Variants in TVP23B observed in about 807,000 individuals in gnomAD.
TVP23B encodes the protein Golgi apparatus membrane protein TVP23 homolog B.
TVP23B carries 10 observed loss-of-function variants against 30.6 expected under a neutral mutation model. The ratio of observed to expected loss-of-function variants is 0.33; its 90% CI spans 0.20 to 0.55. TVP23B has a LOEUF of 0.55. TVP23B is among the 20% of genes least tolerant of loss of function. The probability of loss-of-function intolerance (pLI) is 0.91; values close to 1 mark genes in which losing one functional copy is unlikely to be tolerated. For synonymous variants in TVP23B, 67 were observed against 83.1 expected (o/e 0.81, Z 1.06); for missense variants, 153 against 243.2 (o/e 0.63, Z 2.47).
Position 18,805,987 on chromosome 17 carries a change from T to G in TVP23B, c.*420T>G. 1 of 971,166 alleles carries G rather than the reference T, an allele frequency of 1.0e-6. No homozygotes were observed. The highest frequency in any genetic ancestry group is 1.2e-6 in the Non-Finnish European group (1 of 815,800). 60.2% of individuals were successfully genotyped at this position (971,166 alleles called of 1,614,324 possible). The stretch of plus-strand genomic sequence containing the variant: ...TTACATATTATTTCTGTAGATTGTT[T>G]TCAGGAGAAAGTTTTGCTTCTATGG... On this transcript the variant is annotated 3_prime_UTR_variant, in exon 7 of 7. Coordinates refer to ENST00000307767, the MANE Select transcript of TVP23B (RefSeq NM_016078.6).
chr17:18,782,085 C>T (rs1180800806), intron 1 of TVP23B: 1 of 152,128 alleles, frequency 6.6e-6, no homozygotes, highest in African/African-American at 2.4e-5. Context: ...TAACAAGTGT[C>T]TGAGGATAGG....
At chr17:18,800,942 GAC>G (rs1444345653) in intron 5 of TVP23B, among the ~76,000 whole-genome samples, 1 of 152,162 alleles carries the variant, frequency 6.6e-6, no homozygotes, top group African/African-American at 2.4e-5. Context: ...GCTGTCTGGA[GAC>G]ACAGGGGGAT....
At chr17:18,791,659 C>G (rs2035996428) in intron 3 of TVP23B, among the ~76,000 whole-genome samples, 1 of 151,616 alleles carries the variant, frequency 6.6e-6, no homozygotes, top group Non-Finnish European at 1.5e-5. Flanking sequence ...ACAGGACGGC[C>G]CCTCTGCAAC....
chr17:18,786,993 A>G (rs1348225060), intron 1 of TVP23B, among the ~76,000 whole-genome samples: 1 of 148,748 alleles, frequency 6.7e-6, no homozygotes, highest in African/African-American at 2.5e-5. Flanking sequence ...AGCCCTGATC[A>G]CAGTCAGCTG....
At chr17:18,805,149 CGCGA>C (rs1210676506) in intron 6 of TVP23B, among the ~76,000 whole-genome samples, 28 of 139,228 alleles carry the variant, frequency 2.0e-4, no homozygotes, top group African/African-American at 7.0e-4. Flanking sequence ...AGTGCAGTGG[CGCGA>C]TCTCGGCTTA....
At chr17:18,797,409 T>G in intron 3 of TVP23B, 170 bp from the exon 4 acceptor site, 1 of 1,404,286 alleles carries the variant, frequency 7.1e-7, no homozygotes, top group African/African-American at 1.4e-5. Flanking sequence ...CCATTACCAT[T>G]TTACTTAATC....
At chr17:18,783,873 G>A (rs2035853783) in intron 1 of TVP23B, among the ~76,000 whole-genome samples, 3 of 152,188 alleles carry the variant, frequency 2.0e-5, no homozygotes, top group Admixed American at 6.5e-5. Context: ...TTGGCCGGGC[G>A]CGGTGGCTCA....
intron 1 of TVP23B, among the ~76,000 whole-genome samples, chr17:18,784,578 G>A (rs1183238980): frequency 1.3e-5 from 2 of 152,134 alleles, no homozygotes; most frequent in East Asian, 3.9e-4. Context: ...TTGAACCCGG[G>A]AGGTGGAGGT....
Position 18,789,339 on chromosome 17 carries a change from A to G in TVP23B, c.13-14A>G. On this transcript the variant is annotated splice_polypyrimidine_tract_variant and intron_variant, in intron 1 of 6. Coordinates refer to ENST00000307767, the MANE Select transcript of TVP23B (RefSeq NM_016078.6). ...ATTTTGTTTTGCTTCTTGACCATTTATTTTTCCTACCAGGATAGTAATGAT... is the reference window on the plus strand; with the variant it reads ...ATTTTGTTTTGCTTCTTGACCATTTGTTTTTCCTACCAGGATAGTAATGAT... 1.2e-6 allele frequency: 2 copies of G among 1,613,810 alleles called. No individual in the cohort carries two copies. Among genetic ancestry groups the G allele is most frequent in the East Asian group, 2.2e-5 (1 of 44,890 alleles).
intron 1 of TVP23B, among the ~76,000 whole-genome samples, chr17:18,788,330 C>CAAAAAAA (rs961283447): frequency 1.8e-4 from 12 of 67,338 alleles, no homozygotes; most frequent in East Asian, 5.6e-4. Context: ...GACTCCATCT[C>CAAAAAAA]AAAAAAAAAA....
intron 6 of TVP23B, 60 bp downstream of exon 6, chr17:18,804,326 A>G (rs1320024199): frequency 1.3e-6 from 2 of 1,540,538 alleles, no homozygotes; most frequent in Non-Finnish European, 1.8e-6. Context: ...TTCATAGTTT[A>G]ATTTTTATGA....
At chr17:18,797,794 T>C in intron 4 of TVP23B, 126 bp downstream of exon 4, 2 of 875,458 alleles carry the variant, frequency 2.3e-6, no homozygotes, top group Non-Finnish European at 3.4e-6. Flanking sequence ...ATGTCAGCAC[T>C]AAAGGAGATG....
At chr17:18,800,380 C>A (rs927304989) in intron 5 of TVP23B, among the ~76,000 whole-genome samples, 1 of 152,126 alleles carries the variant, frequency 6.6e-6, no homozygotes, top group East Asian at 1.9e-4. Flanking sequence ...TTAAAAAAGT[C>A]GATTCATTGC....
In TVP23B at chr17:18,798,781, A is replaced by G. The variant is rs2270139; in HGVS notation, c.331-31A>G. The G allele has an allele frequency of 0.4, 631,463 of 1,581,274 alleles. 128,724 individuals are homozygous for G. The highest frequency in any genetic ancestry group is 0.43 in the Non-Finnish European group (498,797 of 1,165,928). On this transcript the variant is annotated intron_variant, in intron 4 of 6. Transcript: ENST00000307767. Reference sequence around the variant, plus strand: ...GAACTTTTTATTGATAAATTTCACAACATGATAATTGAATTTATGTTCTTT... The same window carrying G: ...GAACTTTTTATTGATAAATTTCACAGCATGATAATTGAATTTATGTTCTTT...
chr17:18,804,524 T>G (rs2036218757), intron 6 of TVP23B: 5 of 1,267,602 alleles, frequency 3.9e-6, no homozygotes, highest in Middle Eastern at 3.1e-4. Context: ...TACTTTTAAG[T>G]TCAGTTGTTT....
chr17:18,804,110 C>A (rs1336720606), intron 5 of TVP23B, 28 bp from the exon 6 acceptor site: 4 of 1,612,458 alleles, frequency 2.5e-6, no homozygotes, highest in Admixed American at 3.3e-5. Flanking sequence ...AGGCCAGTAA[C>A]CATTGATTAT....
chr17:18,783,088 T>TTG (rs1567630042), intron 1 of TVP23B, among the ~76,000 whole-genome samples: 4 of 107,872 alleles, frequency 3.7e-5, no homozygotes. Context: ...TTTATTTATT[T>TTG]ATTGATTGAT....
rs541899657 is a variant in TVP23B, at chr17:18,798,487, G to A, written c.331-325G>A. Among the ~76,000 whole-genome samples the A allele has an allele frequency of 9.0e-4, 136 of 151,902 alleles. No individual in the cohort carries two copies. The Middle Eastern group carries it at 0.014, about 15-fold the overall frequency. ...ACTGTGATTTCCTTGATCATTGGTA[G>A]GAAAGGTATCATTTAGAGCTTCCTT... On this transcript the variant is annotated intron_variant, in intron 4 of 6. Coordinates refer to ENST00000307767, the MANE Select transcript of TVP23B (RefSeq NM_016078.6).
In TVP23B at chr17:18,797,562, A is replaced by G. The variant is rs779474959; in HGVS notation, c.241-17A>G. On this transcript the variant is annotated splice_polypyrimidine_tract_variant and intron_variant, in intron 3 of 6. Coordinates refer to ENST00000307767, the MANE Select transcript of TVP23B (RefSeq NM_016078.6). ...TAATGCTTTTAAAATGTGCCTGTTT[A>G]TATTAATCTTCACCAGAATGTCACA... The G allele has an allele frequency of 1.2e-5, 19 of 1,612,764 alleles. 1 individual carries two copies. In the East Asian group the frequency reaches 2.0e-4, roughly 17 times the overall value.
Sources: allele counts gnomAD v4.1 joint callset (sites outside exome capture counted in the v4.1 genomes callset), GRCh38; gene constraint gnomAD v4.1.1; transcripts MANE v1.5; gene names NCBI Gene and HGNC (gene_info 2026-07-23, HGNC 2026-07-21).